The following ZNF708 variants were observed in gnomAD, a reference collection of about 807,000 sequenced individuals.
The protein encoded by ZNF708 is zinc finger protein 708, also known as ZNF15, ZNF15L1.
A neutral mutation model predicts 47.0 loss-of-function variants in ZNF708; 44 were observed. The observed-to-expected ratio is 0.94, with a 90% confidence interval of 0.74 to 1.20. The LOEUF is 1.20. Among genes scored for constraint, ZNF708 ranks in the 50% most tolerant of loss-of-function variants. The probability of loss-of-function intolerance (pLI) is 0.00; values close to 1 mark genes in which losing one functional copy is unlikely to be tolerated. For missense variants in ZNF708, 557 were observed against 656.0 expected (o/e 0.85, Z 1.65); for synonymous variants, 184 against 218.5 (o/e 0.84, Z 1.39).
chr19:21,317,853 G>A (rs919534988), intron 1 of ZNF708, among the ~76,000 whole-genome samples: 4 of 152,214 alleles, frequency 2.6e-5, no homozygotes, highest in East Asian at 1.9e-4. Context: ...CTTCATGACA[G>A]GAGGTAGTTT....
In ZNF708 at chr19:21,301,595, G is replaced by A. The variant is rs540309016; in HGVS notation, c.227-6856C>T. 3.3e-5 allele frequency among the ~76,000 whole-genome samples: 5 copies of A among 151,168 alleles called. No homozygotes were observed. The East Asian group carries it at 5.8e-4, about 18-fold the overall frequency. ...CAAGCCACTGCATTCTAGCCTGGGC[G>A]ACACAGCTAGACTCCATCTCAAAAA... On this transcript the variant is annotated intron_variant, in intron 3 of 3. Transcript: ENST00000356929.
At chr19:21,301,874 C>G (rs1168111982) in intron 3 of ZNF708, among the ~76,000 whole-genome samples, 1 of 152,010 alleles carries the variant, frequency 6.6e-6, no homozygotes, top group African/African-American at 2.4e-5. Context: ...AATACTTGAT[C>G]CAAAATTATT....
chr19:21,321,141 AAAAAG>A (rs58726773), intron 1 of ZNF708, among the ~76,000 whole-genome samples: 31,669 of 151,346 alleles, frequency 0.21, 3,407 homozygotes, highest in Non-Finnish European at 0.24. Context: ...TCATCTTAAA[AAAAAG>A]AAAAGAAAAG....
At chr19:21,324,516 G>A (rs913938277) in intron 1 of ZNF708, among the ~76,000 whole-genome samples, 5 of 152,048 alleles carry the variant, frequency 3.3e-5, no homozygotes, top group Non-Finnish European at 4.4e-5. Context: ...GCAGTAAGCC[G>A]AGATCATGAC....
At chr19:21,297,569 A>C (rs1972565770) in intron 3 of ZNF708, among the ~76,000 whole-genome samples, 1 of 147,532 alleles carries the variant, frequency 6.8e-6, no homozygotes, top group Admixed American at 6.8e-5. Flanking sequence ...AGGGACAAAG[A>C]TACAAGAATT....
intron 1 of ZNF708, among the ~76,000 whole-genome samples, chr19:21,311,763 TA>T (rs1478231074): frequency 2.0e-5 from 3 of 152,052 alleles, no homozygotes; most frequent in African/African-American, 4.8e-5. Flanking sequence ...ACCATGGAAA[TA>T]AAGATATAAG....
At chr19:21,326,648 A>G (rs1328518235) in intron 1 of ZNF708, among the ~76,000 whole-genome samples, 4 of 152,214 alleles carry the variant, frequency 2.6e-5, no homozygotes, top group Non-Finnish European at 4.4e-5. Flanking sequence ...CTCATAAAAT[A>G]GGCTGGGCGC....
At chr19:21,310,301 C>T (rs1972869850) in intron 2 of ZNF708, among the ~76,000 whole-genome samples, 200 bp downstream of exon 2, 1 of 151,416 alleles carries the variant, frequency 6.6e-6, no homozygotes, top group Admixed American at 6.6e-5. Flanking sequence ...AAAAATTAGC[C>T]GGGCATGGTG....
In ZNF708 at chr19:21,293,742, A is replaced by C. The variant is rs773599352; in HGVS notation, c.1224T>G (p.Thr408=). ...GKAFTKSSTL[T]YHKVIHTGKK... is the part of the protein sequence containing the mutation. ...TTCCAGTATGAATTACCTTATGATA[A>C]GTAAGAGTTGAGGACTTGGTAAAGG... is the stretch of plus-strand genomic sequence containing the variant. The change falls in exon 4 of 4, where the codon ACT becomes ACG. Residue 408 remains threonine, a synonymous_variant. Transcript: ENST00000356929. The C allele has an allele frequency of 1.9e-5, 30 of 1,613,334 alleles. No homozygotes were observed. The highest frequency in any genetic ancestry group is 2.5e-5 in the Non-Finnish European group (29 of 1,179,784).
At chr19:21,307,099 TAAAA>T (rs1972792385) in intron 3 of ZNF708, among the ~76,000 whole-genome samples, 1 of 111,892 alleles carries the variant, frequency 8.9e-6, no homozygotes, top group African/African-American at 3.6e-5. Context: ...AAATACAAAA[TAAAA>T]TAAAATAAAA....
At chr19:21,310,229 G>C in intron 2 of ZNF708, among the ~76,000 whole-genome samples, 1 of 151,866 alleles carries the variant, frequency 6.6e-6, no homozygotes, top group Non-Finnish European at 1.5e-5. Context: ...GGCAGACCCT[G>C]AGGTCAGGAG....
At chr19:21,299,772 CAAA>C (rs11311903) in intron 3 of ZNF708, among the ~76,000 whole-genome samples, 2 of 110,264 alleles carry the variant, frequency 1.8e-5, no homozygotes, top group African/African-American at 3.7e-5. Flanking sequence ...GACTCCATCT[CAAA>C]AAAAAAAAAA....
chr19:21,307,044 AATAAAATAAAAT>A (rs1374831651), intron 3 of ZNF708: 59 of 147,526 alleles, frequency 4.0e-4, no homozygotes, highest in East Asian at 5.9e-4. Context: ...CATAAAATAA[AATAAAATAAAAT>A]ATAAAATAAA....
intron 1 of ZNF708, among the ~76,000 whole-genome samples, chr19:21,325,969 A>G (rs1973248332): frequency 6.6e-6 from 1 of 152,310 alleles, no homozygotes; most frequent in Non-Finnish European, 1.5e-5. Flanking sequence ...AAAATCCTCA[A>G]CATCACTAAT....
In ZNF708 at chr19:21,303,360, C is replaced by G. The variant is rs924610118; in HGVS notation, c.226+5886G>C. Among the ~76,000 whole-genome samples, 14 of 152,222 alleles carry G rather than the reference C, an allele frequency of 9.2e-5. No homozygotes were observed. In the East Asian group the frequency reaches 9.6e-4, roughly 10 times the overall value. ...TTGAGGCCAGGAATTTGACACTACCCTGGCCAACACAGTGAAACCCCAATT... is the reference window on the plus strand; with the variant it reads ...TTGAGGCCAGGAATTTGACACTACCGTGGCCAACACAGTGAAACCCCAATT... On this transcript the variant is annotated intron_variant, in intron 3 of 3. Transcript: ENST00000356929.
intron 1 of ZNF708, among the ~76,000 whole-genome samples, chr19:21,323,771 A>G (rs1973199462): frequency 6.6e-6 from 1 of 152,124 alleles, no homozygotes; most frequent in Non-Finnish European, 1.5e-5. Flanking sequence ...CTCCCAGGAT[A>G]AAGACTTCTA....
chr19:21,326,016 C>A (rs1390152028), intron 1 of ZNF708, among the ~76,000 whole-genome samples: 3 of 152,128 alleles, frequency 2.0e-5, no homozygotes, highest in African/African-American at 7.2e-5. Flanking sequence ...CAATGCGATA[C>A]CACCTTACTC....
In ZNF708 at chr19:21,310,509, AC is replaced by A; in HGVS notation, c.121del (p.Val41TyrfsTer10). The A allele has an allele frequency of 7.1e-7, 1 of 1,405,892 alleles. No individual in the cohort carries two copies. The highest frequency in any genetic ancestry group is 2.0e-5 in the South Asian group (1 of 50,818). The allele number at this position is 1,405,892 out of a possible 1,614,324, so 87.1% of individuals were successfully genotyped here. ...NVMLENYRNL[V>X]FLGIAVSNLD... Reference sequence around the variant, plus strand: ...AAAAAACTTATCCTCACCCAGGAATACCAGGTTTCTATAATTCTCTAACATG... The same window carrying A: ...AAAAAACTTATCCTCACCCAGGAATACAGGTTTCTATAATTCTCTAACATG... On this transcript the variant is annotated frameshift_variant, in exon 2 of 4. Transcript: ENST00000356929. LOFTEE classifies it high-confidence loss of function.
At chr19:21,325,009 T>C (rs1414661012) in intron 1 of ZNF708, among the ~76,000 whole-genome samples, 1 of 152,096 alleles carries the variant, frequency 6.6e-6, no homozygotes, top group African/African-American at 2.4e-5. Flanking sequence ...AGCCTTGAAA[T>C]TTTATTGGAA....
Sources: allele counts gnomAD v4.1 joint callset (sites outside exome capture counted in the v4.1 genomes callset), GRCh38; gene constraint gnomAD v4.1.1; transcripts MANE v1.5; gene names NCBI Gene and HGNC (gene_info 2026-07-23, HGNC 2026-07-21).